MFF: variants seen among roughly 807,000 people sequenced by gnomAD.
The protein encoded by MFF is mitochondrial fission factor.
In MFF, 12 loss-of-function variants were observed where a neutral mutation model predicts 36.9. That is an observed-to-expected ratio of 0.33 (90% CI 0.21 to 0.53). The LOEUF is 0.53. Ranked by LOEUF, MFF falls within the 20% of genes least tolerant of loss-of-function variation. The pLI, the probability that MFF is intolerant of heterozygous loss-of-function variation, is 0.95. For synonymous variants in MFF, 99 were observed against 126.2 expected, an observed-to-expected ratio of 0.78 and a Z score of 1.44; for missense variants, 348 against 366.6, an observed-to-expected ratio of 0.95 and a Z score of 0.42.
rs191373109 is a variant in MFF, at chr2:227,337,592, A to C, written c.352-2700A>C. Among the ~76,000 whole-genome samples, 476 of 152,362 alleles carry C rather than the reference A, an allele frequency of 3.1e-3. 2 individuals carry two copies. Among genetic ancestry groups the C allele is most frequent in the Non-Finnish European group, 5.3e-3 (361 of 68,040 alleles). The stretch of plus-strand genomic sequence containing the variant: ...TATTAAAGGAGAATTGTATGCAAGC[A>C]TGCAAAGTGTCTAGTGCTACATGTT... On this transcript the variant is annotated intron_variant, in intron 4 of 8. Coordinates refer to ENST00000304593, the MANE Select transcript of MFF (RefSeq NM_001277062.2).
chr2:227,335,157 C>T (rs536755674), intron 4 of MFF, among the ~76,000 whole-genome samples: 3 of 112,894 alleles, frequency 2.7e-5, no homozygotes, highest in Non-Finnish European at 5.3e-5. Flanking sequence ...GCAACAGAGC[C>T]AGACTCTGTC....
intron 3 of MFF, among the ~76,000 whole-genome samples, chr2:227,331,975 T>A (rs2074613600): frequency 7.6e-6 from 1 of 131,710 alleles, no homozygotes. Flanking sequence ...TTTTTTTTTT[T>A]TTTTTTTTTT....
chr2:227,335,729 A>AG, intron 4 of MFF, among the ~76,000 whole-genome samples: 1 of 152,360 alleles, frequency 6.6e-6, no homozygotes, highest in East Asian at 1.9e-4. Context: ...TAAAGAATCC[A>AG]GGTGAGCCCT....
chr2:227,347,307 T>TG lies in MFF; in HGVS notation c.524dup (p.Ile176HisfsTer11). On this transcript the variant is annotated frameshift_variant, in exon 6 of 9. Coordinates refer to ENST00000304593, the MANE Select transcript of MFF (RefSeq NM_001277062.2). LOFTEE classifies it high-confidence loss of function. ...ATGGAGCTAATCTTTCCTCTGCTCG[T>TG]GGCATTTTGTCGCTTATCCAGTCTT... 6.2e-7 allele frequency: 1 copy of TG among 1,613,794 alleles called. No homozygotes were observed. The highest frequency in any genetic ancestry group is 8.5e-7 in the Non-Finnish European group (1 of 1,179,726).
Position 227,339,201 on chromosome 2 carries a change from C to CAA in MFF, c.352-1077_352-1076dup, listed in dbSNP as rs369858631. 1.1e-3 allele frequency among the ~76,000 whole-genome samples: 133 copies of CAA among 125,496 alleles called. 1 individual carries two copies. Among genetic ancestry groups the CAA allele is most frequent in the Admixed American group, 2.7e-3 (33 of 12,128 alleles). 82.3% of individuals were successfully genotyped at this position (125,496 alleles called of 152,430 possible). On this transcript the variant is annotated intron_variant, in intron 4 of 8. Coordinates refer to ENST00000304593, the MANE Select transcript of MFF (RefSeq NM_001277062.2). ...TGGATGACAGAGCAAGATCCTATCT[C>CAA]AAAAAAAAAAAAAAAGGTATTTTCA...
At chr2:227,333,069 C>T (rs1331445297) in intron 4 of MFF, among the ~76,000 whole-genome samples, 3 of 152,216 alleles carry the variant, frequency 2.0e-5, no homozygotes, top group African/African-American at 7.2e-5. Flanking sequence ...TGTAGACTAA[C>T]AAGGTGTTAG....
At chr2:227,329,944 A>T in intron 2 of MFF, 1 of 508,006 alleles carries the variant, frequency 2.0e-6, no homozygotes, top group Non-Finnish European at 3.5e-6. Context: ...ACACATGTAA[A>T]TATGATATTA....
chr2:227,345,575 T>A (rs1224242721), intron 5 of MFF, among the ~76,000 whole-genome samples: 1 of 152,244 alleles, frequency 6.6e-6, no homozygotes, highest in African/African-American at 2.4e-5. Context: ...GACCATTTTT[T>A]AATTCTCACA....
intron 5 of MFF, among the ~76,000 whole-genome samples, chr2:227,344,569 T>TAAA (rs2075604139): frequency 6.6e-6 from 1 of 152,224 alleles, no homozygotes; most frequent in Non-Finnish European, 1.5e-5. Context: ...CTTAAAGTTT[T>TAAA]AAAAAGGAAA....
intron 5 of MFF, among the ~76,000 whole-genome samples, chr2:227,345,678 T>C (rs1574966048): frequency 6.6e-6 from 1 of 152,340 alleles, no homozygotes; most frequent in Non-Finnish European, 1.5e-5. Context: ...TAGGATGTTT[T>C]TTTTATTTGT....
At chr2:227,330,294 C>T (rs2074476002) in intron 2 of MFF, 1 of 205,034 alleles carries the variant, frequency 4.9e-6, no homozygotes, top group Admixed American at 5.7e-5. Flanking sequence ...AATTTTATTG[C>T]AGGCATTTTT....
chr2:227,355,492 C>A, intron 7 of MFF, 185 bp from the exon 8 acceptor site: 1 of 354,698 alleles, frequency 2.8e-6, no homozygotes, highest in Non-Finnish European at 5.1e-6. Flanking sequence ...AGACAGTTGT[C>A]ATTTTAAGCT....
At chr2:227,326,961 G>A (rs1204285102) in intron 1 of MFF, among the ~76,000 whole-genome samples, 1 of 152,114 alleles carries the variant, frequency 6.6e-6, no homozygotes, top group Non-Finnish European at 1.5e-5. Context: ...CCCAAAATTG[G>A]TACACTTTCC....
intron 8 of MFF, among the ~76,000 whole-genome samples, chr2:227,356,771 G>C (rs1407102546): frequency 6.6e-6 from 1 of 152,138 alleles, no homozygotes; most frequent in Non-Finnish European, 1.5e-5. Flanking sequence ...ATCTGAAGAA[G>C]GGAAAGGGAA....
In MFF at chr2:227,342,799, G is replaced by A. The variant is rs758873739; in HGVS notation, c.440+2419G>A. On this transcript the variant is annotated intron_variant, in intron 5 of 8. Transcript: ENST00000304593. ...ATAAAATTTCAAGGTTCCAGGCACCGATTTCTGCACCGGAGTACACGTAAG... is the reference window on the plus strand; with the variant it reads ...ATAAAATTTCAAGGTTCCAGGCACCAATTTCTGCACCGGAGTACACGTAAG... 36 of 1,613,450 alleles carry A rather than the reference G, an allele frequency of 2.2e-5. 1 individual carries two copies. Among genetic ancestry groups the A allele is most frequent in the South Asian group, 2.1e-4 (19 of 91,072 alleles).
intron 4 of MFF, among the ~76,000 whole-genome samples, chr2:227,338,781 G>C (rs993105922): frequency 6.6e-6 from 1 of 151,688 alleles, no homozygotes; most frequent in African/African-American, 2.4e-5. Context: ...AGTGAGTCAA[G>C]CCGAGATTGT....
chr2:227,328,223 T>G (rs949468080), intron 1 of MFF, among the ~76,000 whole-genome samples: 2 of 145,698 alleles, frequency 1.4e-5, no homozygotes, highest in Non-Finnish European at 3.0e-5. Context: ...ATACAAAAAT[T>G]AGCTGGGTGT....
At chr2:227,352,275 C>T (rs539866273) in intron 6 of MFF, 5 of 407,038 alleles carry the variant, frequency 1.2e-5, no homozygotes, top group African/African-American at 6.1e-5. Context: ...GCTGTTTTGT[C>T]GTGTAAATAT....
chr2:227,347,392 G>C lies in MFF; in HGVS notation c.599+8G>C. On this transcript the variant is annotated splice_region_variant and intron_variant, in intron 6 of 8. Coordinates refer to ENST00000304593, the MANE Select transcript of MFF (RefSeq NM_001277062.2). ...GCTGGATGAAAATCGCAGGTGATTG[G>C]CCATCCGTGACTCTTGACAGCTTTA... 6.2e-7 allele frequency: 1 copy of C among 1,613,012 alleles called. No homozygotes were observed. Among genetic ancestry groups the C allele is most frequent in the African/African-American group, 1.3e-5 (1 of 74,984 alleles).
Sources: allele counts gnomAD v4.1 joint callset (sites outside exome capture counted in the v4.1 genomes callset), GRCh38; gene constraint gnomAD v4.1.1; transcripts MANE v1.5; gene names NCBI Gene and HGNC (gene_info 2026-07-23, HGNC 2026-07-21).